Variants in PITPNA observed in about 807,000 individuals in gnomAD.
PITPNA encodes phosphatidylinositol transfer protein alpha, also known as phosphatidylinositol transfer protein alpha isoform.
Under a neutral mutation model 50.3 loss-of-function variants are expected in PITPNA, and 13 were observed. The observed-to-expected ratio is 0.26, with a 90% CI of 0.17 to 0.41. The LOEUF is 0.41. PITPNA is among the 10% of genes least tolerant of loss of function. The pLI, the probability that PITPNA is intolerant of heterozygous loss-of-function variation, is 1.00. For synonymous variants in PITPNA, 120 were observed against 119.6 expected, an observed-to-expected ratio of 1.00 and a Z score of -0.02; for missense variants, 207 against 333.4, an observed-to-expected ratio of 0.62 and a Z score of 2.95.
chr17:1,531,208 G>C (rs1380209201), intron 10 of PITPNA, among the ~76,000 whole-genome samples: 1 of 152,144 alleles, frequency 6.6e-6, no homozygotes. Flanking sequence ...CCCTTCCTCA[G>C]TGTGGCCTCC....
At chr17:1,546,823 A>C (rs934501976) in intron 4 of PITPNA, among the ~76,000 whole-genome samples, 2 of 152,228 alleles carry the variant, frequency 1.3e-5, no homozygotes, top group African/African-American at 2.4e-5. Flanking sequence ...ACTAGAATAG[A>C]AAGTTCTCTG....
chr17:1,532,632 G>T (rs573223213), intron 10 of PITPNA, among the ~76,000 whole-genome samples: 1 of 152,308 alleles, frequency 6.6e-6, no homozygotes, highest in African/African-American at 2.4e-5. Flanking sequence ...AAACTCCAAT[G>T]AAAGTCTCCA....
chr17:1,535,434 AT>A lies in PITPNA; in HGVS notation c.534+6del, dbSNP rs2075610099. The A allele has an allele frequency of 6.2e-7, 1 of 1,603,840 alleles. No individual in the cohort carries two copies. Among genetic ancestry groups the A allele is most frequent in the African/African-American group, 1.3e-5 (1 of 74,752 alleles). On this transcript the variant is annotated splice_donor_region_variant and intron_variant, in intron 8 of 11. Coordinates refer to ENST00000313486, the MANE Select transcript of PITPNA (RefSeq NM_006224.4). ...CAGCCCCCTGGCAGTGAAGGTGTGA[AT>A]GGTACCTTCCAATTGGGGCCCAAGG...
intron 7 of PITPNA, among the ~76,000 whole-genome samples, chr17:1,538,137 G>C (rs556572845): frequency 2.4e-4 from 37 of 152,236 alleles, no homozygotes; most frequent in African/African-American, 8.2e-4. Context: ...ACAGGAAAGA[G>C]GTATCACACC....
At chr17:1,529,961 C>T (rs1316271716) in intron 10 of PITPNA, among the ~76,000 whole-genome samples, 1 of 152,064 alleles carries the variant, frequency 6.6e-6, no homozygotes, top group East Asian at 1.9e-4. Context: ...CCAAGAGGTA[C>T]TTGTTCAGTG....
In PITPNA at chr17:1,518,437, TAAAAG is replaced by T. The variant is rs1031013209; in HGVS notation, c.*2119_*2123del. 1 of 152,584 alleles carries T rather than the reference TAAAAG, an allele frequency of 6.6e-6. No homozygotes were observed. Among genetic ancestry groups the T allele is most frequent in the Non-Finnish European group, 1.5e-5 (1 of 68,062 alleles). 9.5% of individuals were successfully genotyped at this position (152,584 alleles called of 1,614,324 possible). A position where few individuals can be genotyped will look rare whatever the true frequency, so the allele number is the denominator to read the frequency against. ...GTGGGTGAGGAGGAAAGGGGGTACT[TAAAAG>T]AAGCCAACACTGTTGCCCAGCAGCA... On this transcript the variant is annotated 3_prime_UTR_variant, in exon 12 of 12. Transcript: ENST00000313486.
intron 4 of PITPNA, among the ~76,000 whole-genome samples, chr17:1,545,087 G>C (rs1448695370): frequency 6.6e-6 from 1 of 151,148 alleles, no homozygotes; most frequent in Non-Finnish European, 1.5e-5. Flanking sequence ...GATGGAAGGA[G>C]AAACAAACTT....
At chr17:1,534,508 C>A (rs2075603245) in intron 9 of PITPNA, among the ~76,000 whole-genome samples, 1 of 152,212 alleles carries the variant, frequency 6.6e-6, no homozygotes, top group African/African-American at 2.4e-5. Flanking sequence ...CCCATGAACT[C>A]CTAGGCAAGC....
At chr17:1,535,396 C>A (rs1301946151) in intron 8 of PITPNA, 45 bp downstream of exon 8, 2 of 1,549,180 alleles carry the variant, frequency 1.3e-6, no homozygotes, top group African/African-American at 1.4e-5. Flanking sequence ...GAGCGGCCCA[C>A]CCACATGCTG....
chr17:1,561,245 T>G (rs985126868), intron 1 of PITPNA: 1 of 152,172 alleles, frequency 6.6e-6, no homozygotes, highest in African/African-American at 2.4e-5. Flanking sequence ...CTTGAAAGAT[T>G]TAGCACACCA....
At chr17:1,535,681 T>C (rs2075611493) in intron 7 of PITPNA, 163 bp from the exon 8 acceptor site, 1 of 635,536 alleles carries the variant, frequency 1.6e-6, no homozygotes, top group African/African-American at 1.8e-5. Context: ...ACTGTTTACA[T>C]TAGCCTCAGA....
At chr17:1,546,384 C>T (rs148714890) in intron 4 of PITPNA, among the ~76,000 whole-genome samples, 173 of 152,278 alleles carry the variant, frequency 1.1e-3, no homozygotes, top group African/African-American at 4.0e-3. Context: ...TCTCCTGATA[C>T]AAGGTCCCTG....
chr17:1,545,860 T>C (rs1309483674), intron 4 of PITPNA, among the ~76,000 whole-genome samples: 1 of 145,150 alleles, frequency 6.9e-6, no homozygotes, highest in East Asian at 2.1e-4. Flanking sequence ...CTCTTAGACA[T>C]CAAGAAAATC....
intron 10 of PITPNA, among the ~76,000 whole-genome samples, chr17:1,524,256 G>A (rs955867265): frequency 2.7e-5 from 4 of 149,354 alleles, no homozygotes; most frequent in South Asian, 2.1e-4. Context: ...ATGTTAGCCA[G>A]GATGGTCTCC....
intron 7 of PITPNA, 61 bp from the exon 8 acceptor site, chr17:1,535,579 G>C: frequency 1.0e-6 from 1 of 1,004,964 alleles, no homozygotes; most frequent in Admixed American, 1.7e-5. Flanking sequence ...GAGATGGGGA[G>C]AACAGATCTT....
At chr17:1,521,506 G>T (rs1170845861) in intron 11 of PITPNA, 73 bp downstream of exon 11, 1 of 977,970 alleles carries the variant, frequency 1.0e-6, no homozygotes, top group Non-Finnish European at 1.7e-6. Context: ...ACTCCATAGT[G>T]AGCTGCTGAG....
intron 10 of PITPNA, among the ~76,000 whole-genome samples, chr17:1,529,122 AG>A (rs1438058980): frequency 7.7e-6 from 1 of 130,080 alleles, no homozygotes; most frequent in Non-Finnish European, 1.6e-5. Context: ...TGGGCGACAG[AG>A]CAAGACTCCA....
intron 7 of PITPNA, among the ~76,000 whole-genome samples, chr17:1,536,479 CG>C (rs2075617477): frequency 6.6e-6 from 1 of 151,856 alleles, no homozygotes; most frequent in South Asian, 2.1e-4. Context: ...TTAGTAGAGA[CG>C]GGGTTTCACC....
chr17:1,549,964 C>T (rs949391906), intron 3 of PITPNA, among the ~76,000 whole-genome samples: 4 of 152,152 alleles, frequency 2.6e-5, no homozygotes, highest in Non-Finnish European at 5.9e-5. Context: ...CGTGAGCCAC[C>T]GCGCCCAGCC....
Sources: gnomAD v4.1 joint callset for allele counts (sites outside exome capture counted in the v4.1 genomes callset) on GRCh38, gnomAD v4.1.1 for gene constraint, MANE v1.5 for transcripts, NCBI Gene and HGNC (gene_info 2026-07-23, HGNC 2026-07-21) for gene names.